A4GALT: variants seen among roughly 807,000 people sequenced by gnomAD.
A4GALT encodes lactosylceramide 4-alpha-galactosyltransferase.
For synonymous variants in A4GALT, 257 were observed against 220.7 expected, an observed-to-expected ratio of 1.16 and a Z score of -1.46; for missense variants, 512 against 486.0, an observed-to-expected ratio of 1.05 and a Z score of -0.50.
At chr22:42,715,752 A>G (rs541361461) in intron 1 of A4GALT, among the ~76,000 whole-genome samples, 2 of 152,214 alleles carry the variant, frequency 1.3e-5, no homozygotes, top group African/African-American at 4.8e-5. Context: ...TCCTGGAATC[A>G]AGCAATCCAC....
intron 1 of A4GALT, among the ~76,000 whole-genome samples, chr22:42,702,485 C>T (rs1920928962): frequency 1.3e-5 from 2 of 152,144 alleles, no homozygotes; most frequent in South Asian, 4.1e-4. Context: ...CAGGAGTGCG[C>T]CACCATGTCT....
At chr22:42,703,383 G>C in intron 1 of A4GALT, among the ~76,000 whole-genome samples, 1 of 151,594 alleles carries the variant, frequency 6.6e-6, no homozygotes, top group East Asian at 1.9e-4. Context: ...AGCCTCCCGA[G>C]TAGCTGGGAT....
At chr22:42,698,803 A>G (rs916027148) in intron 1 of A4GALT, among the ~76,000 whole-genome samples, 10 of 152,332 alleles carry the variant, frequency 6.6e-5, no homozygotes, top group African/African-American at 2.4e-4. Context: ...TACAGGTCAT[A>G]AAGACCTTGC....
rs1288923668 is a variant in A4GALT at position 42,720,861 on chromosome 22, G to C, written c.-252C>G. On this transcript the variant is annotated 5_prime_UTR_variant, in exon 1 of 3. Transcript: ENST00000642412. ...CCGGCGGGCGGGCGGCGCGGCGGCC[G>C]GAGGGCAGTGCCTGGGGCCCGGCGG... 1.4e-5 allele frequency: 2 copies of C among 147,832 alleles called. No homozygotes were observed. Among genetic ancestry groups the C allele is most frequent in the African/African-American group, 2.5e-5 (1 of 40,530 alleles). The allele number at this position is 147,832 out of a possible 1,614,324, so 9.2% of individuals were successfully genotyped here. A position where few individuals can be genotyped will look rare whatever the true frequency, so the allele number is the denominator to read the frequency against.
intron 1 of A4GALT, among the ~76,000 whole-genome samples, chr22:42,708,545 A>AGAAGGAAGGAGG (rs1555887809): frequency 5.2e-5 from 6 of 116,498 alleles, no homozygotes; most frequent in Admixed American, 1.9e-4. Context: ...GAGGAAAGAG[A>AGAAGGAAGGAGG]GAAGGAAGGA....
chr22:42,712,674 C>G (rs777681883), intron 1 of A4GALT, among the ~76,000 whole-genome samples: 3 of 152,026 alleles, frequency 2.0e-5, no homozygotes, highest in African/African-American at 4.8e-5. Flanking sequence ...TTTGAGAGGC[C>G]GAGGTGAGTG....
Position 42,705,900 on chromosome 22 carries a change from G to A in A4GALT, c.-187-10269C>T, listed in dbSNP as rs1370649136. 8.3e-5 allele frequency among the ~76,000 whole-genome samples: 10 copies of A among 120,666 alleles called. 3 individuals carry two copies. The highest frequency in any genetic ancestry group is 1.7e-4 in the Non-Finnish European group (9 of 51,912). 79.2% of individuals were successfully genotyped at this position (120,666 alleles called of 152,430 possible). ...GAAACCCTGTATCTACTAAAAATAC[G>A]AAAATTAGCCAGGCGTGGTAATGTG... On this transcript the variant is annotated intron_variant, in intron 1 of 2. Coordinates refer to ENST00000642412, the MANE Select transcript of A4GALT (RefSeq NM_017436.7).
At chr22:42,696,603 G>A (rs940206470) in intron 1 of A4GALT, among the ~76,000 whole-genome samples, 5 of 151,808 alleles carry the variant, frequency 3.3e-5, no homozygotes, top group Non-Finnish European at 5.9e-5. Flanking sequence ...TTCTCTCCCC[G>A]GCACCCAGCT....
At chr22:42,710,838 A>G (rs1311217959) in intron 1 of A4GALT, among the ~76,000 whole-genome samples, 1 of 152,096 alleles carries the variant, frequency 6.6e-6, no homozygotes, top group Non-Finnish European at 1.5e-5. Context: ...CCCAGGCAAC[A>G]TGGCAAAACC....
At chr22:42,699,746 T>A (rs913228617) in intron 1 of A4GALT, among the ~76,000 whole-genome samples, 6 of 152,200 alleles carry the variant, frequency 3.9e-5, no homozygotes, top group Non-Finnish European at 5.9e-5. Flanking sequence ...GGGGCTATGA[T>A]GGTTAATTTC....
At chr22:42,706,171 C>T (rs186465783) in intron 1 of A4GALT, among the ~76,000 whole-genome samples, 836 of 67,386 alleles carry the variant, frequency 0.012, 117 homozygotes, top group Middle Eastern at 0.05. Context: ...CTGGCTAACA[C>T]GGTGAAACCC....
At chr22:42,703,253 GTTT>G (rs1224692766) in intron 1 of A4GALT, among the ~76,000 whole-genome samples, 1 of 110,286 alleles carries the variant, frequency 9.1e-6, no homozygotes, top group African/African-American at 4.0e-5. Context: ...TTGTTTGTTT[GTTT>G]TTGTTTTTTT....
intron 1 of A4GALT, among the ~76,000 whole-genome samples, chr22:42,699,146 C>T (rs1273713395): frequency 2.6e-5 from 4 of 151,900 alleles, no homozygotes; most frequent in Non-Finnish European, 4.4e-5. Flanking sequence ...TGTAATGGCC[C>T]GATCTCGGTT....
Position 42,693,745 on chromosome 22 carries a change from T to TGGGGG in A4GALT, c.206_207insCCCCC (p.Ser71HisfsTer45). On this transcript the variant is annotated frameshift_variant, in exon 3 of 3. Transcript: ENST00000642412. LOFTEE classifies it low-confidence loss of function (END_TRUNC). Reference sequence around the variant, plus strand: ...TGCCTGGAGTGGGGCCGTGGGAGGGTGGGGTGGGGGGTGTCAAGGTGGGGC... The same window carrying TGGGGG: ...TGCCTGGAGTGGGGCCGTGGGAGGGTGGGGGGGGGTGGGGGGTGTCAAGGTGGGGC... 2 of 241,896 alleles carry TGGGGG rather than the reference T, an allele frequency of 8.3e-6. No homozygotes were observed. The highest frequency in any genetic ancestry group is 1.5e-5 in the Non-Finnish European group (2 of 130,802). 15.0% of individuals were successfully genotyped at this position (241,896 alleles called of 1,614,324 possible).
Position 42,693,088 on chromosome 22 carries a change from G to A in A4GALT, c.864C>T (p.Pro288=). ...TLPPEAFYPI[P]WQDWKKYFED... ...CAAAGTACTTCTTCCAGTCCTGCCA[G>A]GGGATGGGGTAGAAGGCCTCAGGGG... Residue 288 remains proline, a synonymous_variant, in exon 3 of 3, where the codon CCC becomes CCT. Transcript: ENST00000642412. The A allele has an allele frequency of 6.2e-7, 1 of 1,613,114 alleles. No individual in the cohort carries two copies. The highest frequency in any genetic ancestry group is 1.1e-5 in the South Asian group (1 of 91,008).
At chr22:42,720,916 G>C (rs1465415619), upstream of A4GALT, 1 of 188 alleles carries the variant, frequency 5.3e-3, no homozygotes, top group Non-Finnish European at 0.019. Flanking sequence ...GGCCCGGGGC[G>C]GGGTCAGGCC....
Position 42,693,661 on chromosome 22 carries a change from C to G in A4GALT, c.291G>C (p.Ser97=). The change falls in exon 3 of 3, where the codon TCG becomes TCC. Residue 97 remains serine (S), a synonymous_variant. Transcript: ENST00000642412. The stretch of plus-strand genomic sequence containing the variant: ...GGTGAGTTCTGGCGGCCGACTCCAC[C>G]GAGCACATGAACAGGAAGTTGGGGT... ...RTNPNFLFMC[S]VESAARTHPE... The G allele has an allele frequency of 5.0e-6, 8 of 1,610,326 alleles. No individual in the cohort carries two copies. The highest frequency in any genetic ancestry group is 6.8e-6 in the Non-Finnish European group (8 of 1,179,554).
At chr22:42,698,602 GCCCTTGGAGATT>G (rs1251402026) in intron 1 of A4GALT, among the ~76,000 whole-genome samples, 1 of 152,194 alleles carries the variant, frequency 6.6e-6, no homozygotes, top group Non-Finnish European at 1.5e-5. Flanking sequence ...CCAGGGTTAT[GCCCTTGGAGATT>G]CCGATGTCCT....
chr22:42,692,840 G>T lies in A4GALT; in HGVS notation c.*50C>A. 6.3e-7 allele frequency: 1 copy of T among 1,592,172 alleles called. No homozygotes were observed. The highest frequency in any genetic ancestry group is 1.1e-5 in the South Asian group (1 of 90,672). On this transcript the variant is annotated 3_prime_UTR_variant, in exon 3 of 3. Coordinates refer to ENST00000642412, the MANE Select transcript of A4GALT (RefSeq NM_017436.7). The surrounding 1 kb of genome is among the most constrained non-coding windows in gnomAD (Gnocchi z 4.6). ...TCAATCTTGCCTCCCCGGGAAGGGC[G>T]GCCCAGTGCCCCATCAGGAGCAGGT...
Sources: allele counts gnomAD v4.1 joint callset (sites outside exome capture counted in the v4.1 genomes callset), GRCh38; gene constraint gnomAD v4.1.1; non-coding constraint Gnocchi (gnomAD v3.1); transcripts MANE v1.5; gene names NCBI Gene and HGNC (gene_info 2026-07-23, HGNC 2026-07-21).